The following CELF2 variants were observed in gnomAD, a reference collection of about 807,000 sequenced individuals.
CELF2 encodes the protein CUGBP Elav-like family member 2.
CELF2 carries 8 observed loss-of-function variants against 62.6 expected under a neutral mutation model. The observed-to-expected ratio is 0.13, with a 90% CI of 0.07 to 0.23. CELF2 has a LOEUF of 0.23. CELF2 is among the 10% of genes least tolerant of loss of function. The pLI is 1.00. For missense variants in CELF2, 333 were observed against 671.0 expected (o/e 0.50, Z 5.56); for synonymous variants, 258 against 250.0 (o/e 1.03, Z -0.30).
the CELF2 span, among the ~76,000 whole-genome samples, chr10:10,484,456 A>G: frequency 2.7e-5 from 4 of 147,644 alleles, no homozygotes; most frequent in Non-Finnish European, 6.0e-5. Flanking sequence ...AGCTGGAACT[A>G]CAGGCACATG....
chr10:10,759,489 T>C, the CELF2 span, among the ~76,000 whole-genome samples: 1 of 151,896 alleles, frequency 6.6e-6, no homozygotes, highest in South Asian at 2.1e-4. Context: ...TTTGTATTTT[T>C]AGTAGAGACA....
At chr10:10,578,499 A>C in the CELF2 span, among the ~76,000 whole-genome samples, 1 of 152,096 alleles carries the variant, frequency 6.6e-6, no homozygotes, top group South Asian at 2.1e-4. Flanking sequence ...TTTTAGGTCT[A>C]ACATGTAAGT....
intron 2 of CELF2, among the ~76,000 whole-genome samples, chr10:11,166,253 G>A (rs1283416443): frequency 3.9e-5 from 6 of 152,186 alleles, no homozygotes; most frequent in African/African-American, 1.4e-4. Flanking sequence ...GGAGCTGGGA[G>A]CAGCACCCTA....
chr10:11,175,061 T>TGC (rs2070511171), intron 2 of CELF2, among the ~76,000 whole-genome samples: 1 of 135,430 alleles, frequency 7.4e-6, no homozygotes, highest in South Asian at 2.5e-4. Context: ...GTTTAAAGTC[T>TGC]GCCCCCCCGC....
intron 9 of CELF2, among the ~76,000 whole-genome samples, chr10:11,298,053 G>C (rs1442272722): frequency 6.6e-6 from 1 of 152,202 alleles, no homozygotes; most frequent in Admixed American, 6.5e-5. Flanking sequence ...TTATGTTTTT[G>C]TTTTAAGATG....
chr10:10,781,342 G>T, the CELF2 span, among the ~76,000 whole-genome samples: 2 of 152,166 alleles, frequency 1.3e-5, no homozygotes, highest in Admixed American at 6.5e-5. Context: ...AGCTGTGTTA[G>T]TCTGTTCTCA....
At chr10:11,226,319 G>A (rs1334182383) in intron 3 of CELF2, among the ~76,000 whole-genome samples, 1 of 152,248 alleles carries the variant, frequency 6.6e-6, no homozygotes, top group African/African-American at 2.4e-5. Context: ...GAACCAGTAT[G>A]TCTGGACTCT....
the CELF2 span, among the ~76,000 whole-genome samples, chr10:10,646,605 C>T: frequency 6.6e-6 from 1 of 152,168 alleles, no homozygotes; most frequent in Non-Finnish European, 1.5e-5. Context: ...TTGAAAATGA[C>T]TGCAAAGACT....
chr10:10,730,109 G>T, the CELF2 span, among the ~76,000 whole-genome samples: 1 of 151,980 alleles, frequency 6.6e-6, no homozygotes, highest in African/African-American at 2.4e-5. Flanking sequence ...ATTTACTAGG[G>T]GACTTTTCCA....
At chr10:10,818,233 C>G (rs2056653402) in intron 1 of CELF2, among the ~76,000 whole-genome samples, 1 of 152,196 alleles carries the variant, frequency 6.6e-6, no homozygotes, top group South Asian at 2.1e-4. Context: ...AGGAACTCCT[C>G]TGGTGATCCA....
chr10:10,503,359 A>T, the CELF2 span, among the ~76,000 whole-genome samples: 3 of 151,982 alleles, frequency 2.0e-5, no homozygotes, highest in South Asian at 6.2e-4. Flanking sequence ...GAATTTTTCT[A>T]CTATTTTTCA....
intron 1 of CELF2, among the ~76,000 whole-genome samples, chr10:10,888,884 C>G (rs2061946975): frequency 6.6e-6 from 1 of 152,118 alleles, no homozygotes; most frequent in South Asian, 2.1e-4. Context: ...GGTCTGTCTC[C>G]CCCAGTAGTT....
At chr10:11,084,042 G>A (rs530894482) in intron 1 of CELF2, among the ~76,000 whole-genome samples, 5 of 152,164 alleles carry the variant, frequency 3.3e-5, no homozygotes, top group South Asian at 2.1e-4. Flanking sequence ...GTGAAGATCC[G>A]GTCCCTGCTG....
At chr10:10,514,913 C>T in the CELF2 span, among the ~76,000 whole-genome samples, 6 of 152,146 alleles carry the variant, frequency 3.9e-5, no homozygotes, top group Non-Finnish European at 8.8e-5. Context: ...TCAATCTTAC[C>T]GTTCATCTTC....
chr10:10,944,116 T>C (rs2047376225), intron 2 of CELF2: 1 of 152,638 alleles, frequency 6.6e-6, no homozygotes, highest in Non-Finnish European at 1.5e-5. Flanking sequence ...ACTCACTAGT[T>C]TAGGTAACTG....
intron 1 of CELF2, among the ~76,000 whole-genome samples, chr10:11,019,155 C>T (rs1483581590): frequency 6.6e-6 from 1 of 152,062 alleles, no homozygotes; most frequent in Non-Finnish European, 1.5e-5. Flanking sequence ...TCGGAGGGGT[C>T]AGTAGGATCT....
At chr10:10,488,934 A>G in the CELF2 span, among the ~76,000 whole-genome samples, 18 of 152,128 alleles carry the variant, frequency 1.2e-4, no homozygotes, top group East Asian at 7.7e-4. Flanking sequence ...ATGTCTGAAC[A>G]CCCTCCTCTA....
rs1281513282 is a variant in CELF2 at position 11,156,247 on chromosome 10, T to C, written c.75-9239T>C. Among the ~76,000 whole-genome samples the C allele has an allele frequency of 1.3e-5, 2 of 152,154 alleles. No homozygotes were observed. Among genetic ancestry groups the C allele is most frequent in the Non-Finnish European group, 2.9e-5 (2 of 68,028 alleles). On this transcript the variant is annotated intron_variant, in intron 1 of 12. Coordinates refer to ENST00000633077, the MANE Select transcript of CELF2 (RefSeq NM_001326342.2). The surrounding 1 kb of genome is among the most constrained non-coding windows in gnomAD (Gnocchi z 4.3). Reference sequence around the variant, plus strand: ...TAGGTGTGTTGACTCTCGGATTTAATAGGACGGCACTGGACGGGATAACAT... The same window carrying C: ...TAGGTGTGTTGACTCTCGGATTTAACAGGACGGCACTGGACGGGATAACAT...
At chr10:10,768,794 A>G in the CELF2 span, among the ~76,000 whole-genome samples, 10 of 151,948 alleles carry the variant, frequency 6.6e-5, no homozygotes. Context: ...GGCTGGTGTC[A>G]AACTCCTGAC....
Sources: allele counts gnomAD v4.1 joint callset (sites outside exome capture counted in the v4.1 genomes callset), GRCh38; gene constraint gnomAD v4.1.1; non-coding constraint Gnocchi (gnomAD v3.1); transcripts MANE v1.5; gene names NCBI Gene and HGNC (gene_info 2026-07-23, HGNC 2026-07-21).